Variants in MED13 observed in about 807,000 individuals in gnomAD.
MED13 encodes mediator of RNA polymerase II transcription subunit 13.
Under a neutral mutation model 225.2 loss-of-function variants are expected in MED13, and 23 were observed. The ratio of observed to expected loss-of-function variants is 0.10; its 90% CI spans 0.07 to 0.14. The LOEUF (loss-of-function observed/expected upper bound fraction) is 0.14, where lower values mean the gene tolerates loss of function less well. MED13 is among the 10% of genes least tolerant of loss of function. The pLI is 1.00. For synonymous variants in MED13, 942 were observed against 889.2 expected (o/e 1.06, Z -1.06); for missense variants, 2,197 against 2,594.5 (o/e 0.85, Z 3.33).
chr17:62,033,676 C>A, intron 5 of MED13, 111 bp downstream of exon 5: 1 of 994,534 alleles, frequency 1.0e-6, no homozygotes, highest in Non-Finnish European at 1.5e-6. Flanking sequence ...AGGAATAAAT[C>A]TTTGGTGTTG....
intron 8 of MED13, among the ~76,000 whole-genome samples, chr17:62,015,928 A>T (rs1267279174): frequency 6.6e-4 from 4 of 6,068 alleles, no homozygotes; most frequent in Admixed American, 2.7e-3. Flanking sequence ...ATATATATAT[A>T]TATATATATA....
rs552080124 is a variant in MED13, at chr17:61,943,975, G to A, written c.*2493C>T. 1 of 152,534 alleles carries A rather than the reference G, an allele frequency of 6.6e-6. No individual in the cohort carries two copies. The highest frequency in any genetic ancestry group is 2.4e-5 in the African/African-American group (1 of 41,442). 9.4% of individuals were successfully genotyped at this position (152,534 alleles called of 1,614,324 possible). A position where few individuals can be genotyped will look rare whatever the true frequency, so the allele number is the denominator to read the frequency against. On this transcript the variant is annotated 3_prime_UTR_variant, in exon 30 of 30. Coordinates refer to ENST00000397786, the MANE Select transcript of MED13 (RefSeq NM_005121.3). ...TTTGTCTGTGACAGTACATTAGTAA[G>A]TCAAATCCATCATCCTGCACAAGGC... is the stretch of plus-strand genomic sequence containing the variant.
intron 19 of MED13, 75 bp from the exon 20 acceptor site, chr17:61,965,543 CAGA>C (rs1444516049): frequency 2.2e-6 from 3 of 1,367,940 alleles, no homozygotes; most frequent in Non-Finnish European, 2.9e-6. Flanking sequence ...ACTGTGTAAA[CAGA>C]ATCATAATCC....
At position 61,962,870 on chromosome 17, in the gene MED13, T is replaced by A. The variant is rs764818957; in HGVS notation, c.4946A>T (p.Tyr1649Phe). The A allele has an allele frequency of 6.2e-7, 1 of 1,613,938 alleles. No individual in the cohort carries two copies. The highest frequency in any genetic ancestry group is 8.5e-7 in the Non-Finnish European group (1 of 1,179,994). The stretch of plus-strand genomic sequence containing the variant: ...GTTAGTGCTCTCGTCTGTATTTTCG[T>A]ATGTAAAAGGATCAATTATATAAAC... ...IVVYIIDPFT[Y>F]ENTDESTNSS... Residue 1649 changes from tyrosine (Y) to phenylalanine (F), a missense_variant, in exon 21 of 30, where the codon TAC becomes TTC. Tyr to Phe is a conservative substitution (Grantham distance 22). This residue lies in a region of MED13 where 457 missense variants were observed against 442.2 expected (regional missense o/e 1.03). Coordinates refer to ENST00000397786, the MANE Select transcript of MED13 (RefSeq NM_005121.3).
chr17:61,958,110 C>T lies in MED13; in HGVS notation c.5481-1629G>A, dbSNP rs1024474227. On this transcript the variant is annotated intron_variant, in intron 23 of 29. Transcript: ENST00000397786. Reference sequence around the variant, plus strand: ...CGATCTCCTGACCTTGTGATCCGCCCGCCTCGGCCTCCCAAAGTGCTGGGA... The same window carrying T: ...CGATCTCCTGACCTTGTGATCCGCCTGCCTCGGCCTCCCAAAGTGCTGGGA... 6.6e-5 allele frequency among the ~76,000 whole-genome samples: 10 copies of T among 151,974 alleles called. No individual in the cohort carries two copies. The South Asian group carries it at 1.0e-3, about 16-fold the overall frequency.
chr17:61,984,330 A>C lies in MED13; in HGVS notation c.2729T>G (p.Ile910Ser). The C allele has an allele frequency of 6.3e-7, 1 of 1,598,512 alleles. No homozygotes were observed. The highest frequency in any genetic ancestry group is 1.8e-5 in the Admixed American group (1 of 55,630). Residue 910 changes from isoleucine (I) to serine (S), a missense_variant, in exon 15 of 30, where the codon ATT becomes AGT. By Grantham distance (142) the Ile-to-Ser change is moderately radical (BLOSUM62 -2). This residue lies in a region of MED13 where 160 missense variants were observed against 184.8 expected (regional missense o/e 0.87). Transcript: ENST00000397786. ...SYVYKPENCQ[I>S]LVGCSMFAPL... is the part of the protein sequence containing the mutation. ...TGCAAACATGGAACATCCCACTAGAATTTGACAATTTTCAGGCTTATAGAC... is the reference window on the plus strand; with the variant it reads ...TGCAAACATGGAACATCCCACTAGACTTTGACAATTTTCAGGCTTATAGAC...
chr17:61,993,200 C>CTTTTTTTTTT (rs964200883), intron 10 of MED13, among the ~76,000 whole-genome samples: 2 of 107,690 alleles, frequency 1.9e-5, no homozygotes, highest in Non-Finnish European at 3.5e-5. Flanking sequence ...TTCTTTCTTT[C>CTTTTTTTTTT]TTTTTTTTTT....
intron 27 of MED13, 38 bp downstream of exon 27, chr17:61,952,927 G>T (rs369064182): frequency 3.1e-6 from 5 of 1,597,330 alleles, no homozygotes; most frequent in Non-Finnish European, 4.3e-6. Context: ...AAGCCACTGC[G>T]CCCGGCCGAG....
At chr17:61,956,227 C>T (rs899558771) in intron 24 of MED13, 112 bp downstream of exon 24, 6 of 1,069,552 alleles carry the variant, frequency 5.6e-6, no homozygotes, top group African/African-American at 1.6e-5. Context: ...TATGTGGTTC[C>T]TTATTTGATA....
intron 17 of MED13, among the ~76,000 whole-genome samples, chr17:61,969,587 T>C (rs796066741): frequency 9.9e-5 from 15 of 152,096 alleles, no homozygotes; most frequent in African/African-American, 3.6e-4. Context: ...TCATGTTAAG[T>C]GTTCTTTCTT....
intron 8 of MED13, among the ~76,000 whole-genome samples, chr17:62,014,488 T>G (rs1298468263): frequency 5.9e-5 from 9 of 152,012 alleles, no homozygotes; most frequent in Admixed American, 5.9e-4. Flanking sequence ...GGCTGATTTT[T>G]GTATTTTCAG....
intron 2 of MED13, among the ~76,000 whole-genome samples, chr17:62,058,520 C>CAAAAA (rs751957495): frequency 7.2e-4 from 38 of 52,986 alleles, no homozygotes; most frequent in Non-Finnish European, 8.3e-4. Flanking sequence ...GACTTCATCT[C>CAAAAA]AAAAAAAAAA....
chr17:61,956,431 C>A lies in MED13; in HGVS notation c.5531G>T (p.Trp1844Leu). The change falls in exon 24 of 30, where the codon TGG (tryptophan) becomes TTG (leucine). Residue 1844 changes from tryptophan (W) to leucine (L), a missense_variant. Physicochemically the swap from Trp to Leu is moderately conservative, Grantham distance 61. This residue lies in a region of MED13 where 78 missense variants were observed against 82.1 expected (regional missense o/e 0.95). Transcript: ENST00000397786. ...SARKFGLQKL[W>L]EWCLGLVQMS... ...TTGTACAAGTCCTAAGCACCACTCCCAAAGTTTCTGTAGACCAAATTTTCT... is the reference window on the plus strand; with the variant it reads ...TTGTACAAGTCCTAAGCACCACTCCAAAAGTTTCTGTAGACCAAATTTTCT... 6.2e-7 allele frequency: 1 copy of A among 1,613,314 alleles called. No homozygotes were observed. Among genetic ancestry groups the A allele is most frequent in the Non-Finnish European group, 8.5e-7 (1 of 1,179,650 alleles).
intron 24 of MED13, 29 bp from the exon 25 acceptor site, chr17:61,955,867 A>G: frequency 1.3e-6 from 2 of 1,499,500 alleles, no homozygotes; most frequent in Non-Finnish European, 1.8e-6. Flanking sequence ...AAAAAAAAAA[A>G]AAAAAAAAAA....
At chr17:61,990,627 G>GTGTGTATATATATATATA (rs906431943) in intron 11 of MED13, among the ~76,000 whole-genome samples, 4 of 139,004 alleles carry the variant, frequency 2.9e-5, no homozygotes, top group African/African-American at 1.1e-4. Flanking sequence ...GGCGCACTGT[G>GTGTGTATATATATATATA]TATATATATA....
At chr17:61,987,499 A>C (rs968434253) in intron 11 of MED13, among the ~76,000 whole-genome samples, 1 of 152,146 alleles carries the variant, frequency 6.6e-6, no homozygotes, top group Non-Finnish European at 1.5e-5. Flanking sequence ...ATTCTTTTTA[A>C]ATTAGACATA....
intron 3 of MED13, among the ~76,000 whole-genome samples, chr17:62,048,726 A>G: frequency 6.6e-6 from 1 of 152,252 alleles, no homozygotes; most frequent in Admixed American, 6.5e-5. Context: ...AAAACTACTT[A>G]AGCAGGTGAC....
intron 20 of MED13, 50 bp downstream of exon 20, chr17:61,964,956 C>T: frequency 6.6e-7 from 1 of 1,510,358 alleles, no homozygotes; most frequent in South Asian, 1.2e-5. Flanking sequence ...AAGAAAGAAG[C>T]AGCATCATAG....
intron 3 of MED13, among the ~76,000 whole-genome samples, chr17:62,046,102 AAACAGTCTAT>A (rs1226473195): frequency 6.6e-6 from 1 of 152,218 alleles, no homozygotes; most frequent in African/African-American, 2.4e-5. Context: ...TAGTCAACAA[AAACAGTCTAT>A]ATAATACTTA....
Sources: allele counts gnomAD v4.1 joint callset (sites outside exome capture counted in the v4.1 genomes callset), GRCh38; gene constraint gnomAD v4.1.1; regional missense constraint gnomAD v4.1.1; transcripts MANE v1.5; gene names NCBI Gene and HGNC (gene_info 2026-07-23, HGNC 2026-07-21).